STK3: variants seen among roughly 807,000 people sequenced by gnomAD.
STK3 encodes serine/threonine-protein kinase 3.
In STK3, 41 loss-of-function variants were observed where a neutral mutation model predicts 58.0. The ratio of observed to expected loss-of-function variants is 0.71; its 90% CI spans 0.55 to 0.92. STK3 has a LOEUF of 0.92. STK3 is among the 40% of genes least tolerant of loss of function. STK3 has a pLI of 0.00. For missense variants in STK3, 479 were observed against 602.7 expected (o/e 0.79, Z 2.15); for synonymous variants, 170 against 191.0 (o/e 0.89, Z 0.91).
chr8:98,472,387 G>C (rs1333530443), intron 10 of STK3, among the ~76,000 whole-genome samples: 1 of 152,134 alleles, frequency 6.6e-6, no homozygotes, highest in Middle Eastern at 3.2e-3. Context: ...TTATTTCCTG[G>C]AATGTTTACT....
intron 8 of STK3, among the ~76,000 whole-genome samples, chr8:98,576,260 T>C (rs1328825689): frequency 6.6e-6 from 1 of 152,238 alleles, no homozygotes; most frequent in Non-Finnish European, 1.5e-5. Flanking sequence ...TTGGTCTACA[T>C]ACCTATCCTT....
intron 4 of STK3, among the ~76,000 whole-genome samples, chr8:98,709,690 C>A (rs1826244314): frequency 6.6e-6 from 1 of 152,090 alleles, no homozygotes; most frequent in South Asian, 2.1e-4. Flanking sequence ...GAGAAGAAAC[C>A]ACATGATCAT....
chr8:98,693,506 C>T (rs1253319526), intron 6 of STK3, among the ~76,000 whole-genome samples: 4 of 152,104 alleles, frequency 2.6e-5, no homozygotes, highest in African/African-American at 9.7e-5. Flanking sequence ...GGATTGCAGG[C>T]AGCCACCAAG....
chr8:98,575,355 T>A (rs1813312564), intron 8 of STK3, among the ~76,000 whole-genome samples: 1 of 151,548 alleles, frequency 6.6e-6, no homozygotes, highest in Admixed American at 6.6e-5. Flanking sequence ...TTTTTTTTTT[T>A]AATTGAGGTG....
At chr8:98,395,175 GT>G (rs1817887226) in intron 3 of STK3, among the ~76,000 whole-genome samples, 1 of 152,032 alleles carries the variant, frequency 6.6e-6, no homozygotes, top group Non-Finnish European at 1.5e-5. Flanking sequence ...GGCATTGCTT[GT>G]TACTGAAGCA....
intron 1 of STK3, among the ~76,000 whole-genome samples, chr8:98,822,891 G>A (rs1246483810): frequency 6.6e-6 from 1 of 152,222 alleles, no homozygotes; most frequent in African/African-American, 2.4e-5. Context: ...AGCTGGGCGT[G>A]GTGGCGCCCG....
chr8:98,806,522 T>C (rs145537584), intron 1 of STK3, among the ~76,000 whole-genome samples: 5 of 152,262 alleles, frequency 3.3e-5, no homozygotes, highest in Non-Finnish European at 5.9e-5. Context: ...AAAGTATACA[T>C]GCTAACTGAA....
At chr8:98,411,207 T>C in intron 3 of STK3, among the ~76,000 whole-genome samples, 1 of 151,880 alleles carries the variant, frequency 6.6e-6, no homozygotes, top group Non-Finnish European at 1.5e-5. Context: ...TGGAGATGGG[T>C]TTTCTGATGA....
intron 1 of STK3, among the ~76,000 whole-genome samples, chr8:98,383,230 C>A (rs2131003646): frequency 6.6e-6 from 1 of 152,274 alleles, no homozygotes; most frequent in East Asian, 1.9e-4. Context: ...CATTGTCATT[C>A]TACAGATAGG....
chr8:98,526,604 C>T (rs147649331), intron 10 of STK3, 138 bp downstream of exon 10: 39 of 654,764 alleles, frequency 6.0e-5, no homozygotes, highest in Middle Eastern at 9.2e-4. Context: ...ATGTATATGG[C>T]TGTATAATGA....
At chr8:98,759,047 G>C (rs1433043451) in intron 3 of STK3, among the ~76,000 whole-genome samples, 2 of 152,168 alleles carry the variant, frequency 1.3e-5, no homozygotes, top group African/African-American at 4.8e-5. Flanking sequence ...TCAGCAATGA[G>C]GCTCTTCCAC....
chr8:98,400,326 T>A (rs1468489366), downstream of STK3, among the ~76,000 whole-genome samples: 1 of 152,192 alleles, frequency 6.6e-6, no homozygotes, highest in African/African-American at 2.4e-5. Context: ...AGGCAACAGA[T>A]TCCCAGGCCC....
chr8:98,708,128 G>C (rs1440725287), intron 4 of STK3, among the ~76,000 whole-genome samples: 1 of 148,220 alleles, frequency 6.7e-6, no homozygotes, highest in East Asian at 2.0e-4. Flanking sequence ...GACACAGCGA[G>C]ACTCCATCTC....
At chr8:98,776,847 G>A (rs1020133205) in intron 1 of STK3, among the ~76,000 whole-genome samples, 6 of 151,356 alleles carry the variant, frequency 4.0e-5, no homozygotes, top group African/African-American at 1.5e-4. Context: ...TCAGGAGACC[G>A]AGACCATCCT....
At chr8:98,774,653 A>G (rs1426849773) in intron 2 of STK3, 86 bp downstream of exon 2, 6 of 919,396 alleles carry the variant, frequency 6.5e-6, no homozygotes, top group Admixed American at 6.2e-5. Context: ...TCATACGAAT[A>G]TACTCTAGTT....
At chr8:98,453,746 TGAAGA>T (rs2131127615), downstream of STK3, among the ~76,000 whole-genome samples, 1 of 152,364 alleles carries the variant, frequency 6.6e-6, no homozygotes, top group East Asian at 1.9e-4. Flanking sequence ...TTTAGCAAAC[TGAAGA>T]GAAATCATCT....
chr8:98,517,065 A>C (rs1167015834), intron 10 of STK3, among the ~76,000 whole-genome samples: 1 of 152,070 alleles, frequency 6.6e-6, no homozygotes, highest in East Asian at 1.9e-4. Flanking sequence ...CATGAAGAAA[A>C]AAAGGTCTGT....
the STK3 span, among the ~76,000 whole-genome samples, chr8:98,348,182 T>C: frequency 6.6e-6 from 1 of 152,182 alleles, no homozygotes; most frequent in African/African-American, 2.4e-5. Flanking sequence ...CAACAAATGA[T>C]ACTGGAATAA....
intron 10 of STK3, among the ~76,000 whole-genome samples, chr8:98,459,933 G>C (rs1819815213): frequency 6.6e-6 from 1 of 152,262 alleles, no homozygotes; most frequent in South Asian, 2.1e-4. Context: ...TGGTAGGGCA[G>C]TGTGGAAGGG....
Sources: gnomAD v4.1 joint callset for allele counts (sites outside exome capture counted in the v4.1 genomes callset) on GRCh38, gnomAD v4.1.1 for gene constraint, MANE v1.5 for transcripts, NCBI Gene and HGNC (gene_info 2026-07-23, HGNC 2026-07-21) for gene names.